TMEM178B: variants seen among roughly 807,000 people sequenced by gnomAD.
TMEM178B encodes the protein transmembrane protein 178B.
TMEM178B carries 5 observed loss-of-function variants against 31.0 expected under a neutral mutation model. The ratio of observed to expected loss-of-function variants is 0.16; its 90% CI spans 0.08 to 0.34. The LOEUF (loss-of-function observed/expected upper bound fraction) is 0.34, where lower values mean the gene tolerates loss of function less well. Among genes scored for constraint, TMEM178B ranks in the 10% least tolerant of loss-of-function variants. The probability of loss-of-function intolerance (pLI) is 1.00; values close to 1 mark genes in which losing one functional copy is unlikely to be tolerated. For synonymous variants in TMEM178B, 164 were observed against 164.0 expected, an observed-to-expected ratio of 1.00 and a Z score of 0.00; for missense variants, 275 against 400.3, an observed-to-expected ratio of 0.69 and a Z score of 2.67.
intron 1 of TMEM178B, among the ~76,000 whole-genome samples, chr7:141,180,766 C>A (rs1324984078): frequency 1.3e-5 from 2 of 152,182 alleles, no homozygotes; most frequent in Non-Finnish European, 2.9e-5. Context: ...TTATCTATTA[C>A]TTGTGGTTTG....
At chr7:141,387,252 T>C (rs940209739) in intron 2 of TMEM178B, among the ~76,000 whole-genome samples, 2 of 152,240 alleles carry the variant, frequency 1.3e-5, no homozygotes, top group African/African-American at 4.8e-5. Flanking sequence ...TTATTGAGCA[T>C]GTACTATGTG....
At position 141,470,738 on chromosome 7, in the gene TMEM178B, G is replaced by A. The variant is rs761883291; in HGVS notation, c.837G>A (p.Pro279=). The change falls in exon 4 of 4, where the codon CCG becomes CCA. Residue 279 remains proline, a synonymous_variant. Transcript: ENST00000565468. ...CTLAPSVQPV[P]RTNYPKSRPE... ...TAGCCCCTTCTGTTCAACCTGTCCC[G>A]AGGACCAACTACCCTAAATCCAGAC... is the stretch of plus-strand genomic sequence containing the variant. 22 of 1,532,390 alleles carry A rather than the reference G, an allele frequency of 1.4e-5. No individual in the cohort carries two copies. Among genetic ancestry groups the A allele is most frequent in the Admixed American group, 4.0e-5 (2 of 50,470 alleles). 94.9% of individuals were successfully genotyped at this position (1,532,390 alleles called of 1,614,324 possible).
chr7:141,405,498 C>G (rs1378643918), intron 2 of TMEM178B, among the ~76,000 whole-genome samples: 1 of 152,236 alleles, frequency 6.6e-6, no homozygotes, highest in Non-Finnish European at 1.5e-5. Flanking sequence ...AAACACACTC[C>G]CAGCTATCTC....
At chr7:141,386,578 TC>T (rs1800434591) in intron 2 of TMEM178B, among the ~76,000 whole-genome samples, 1 of 152,188 alleles carries the variant, frequency 6.6e-6, no homozygotes, top group South Asian at 2.1e-4. Context: ...ATTTAGTGTA[TC>T]CATTACCTCA....
At chr7:141,325,833 AG>A (rs1799180394) in intron 2 of TMEM178B, among the ~76,000 whole-genome samples, 1 of 150,688 alleles carries the variant, frequency 6.6e-6, no homozygotes, top group Non-Finnish European at 1.5e-5. Flanking sequence ...GAAAAAAAAA[AG>A]TCTGATTCTC....
chr7:141,095,306 A>G (rs1794939484), intron 1 of TMEM178B, among the ~76,000 whole-genome samples: 1 of 152,232 alleles, frequency 6.6e-6, no homozygotes, highest in Admixed American at 6.5e-5. Context: ...TTTGGAAACC[A>G]TGTGAGAAAT....
At chr7:141,152,075 G>T (rs1329564524) in intron 1 of TMEM178B, among the ~76,000 whole-genome samples, 1 of 152,180 alleles carries the variant, frequency 6.6e-6, no homozygotes, top group Non-Finnish European at 1.5e-5. Context: ...ATGCTGAGAG[G>T]CATGGCACTG....
chr7:141,292,441 G>C lies in TMEM178B; in HGVS notation c.496+79737G>C, dbSNP rs560926659. 8.5e-5 allele frequency among the ~76,000 whole-genome samples: 13 copies of C among 152,120 alleles called. No homozygotes were observed. In the East Asian group the frequency reaches 2.5e-3, roughly 29 times the overall value. Reference sequence around the variant, plus strand: ...TTCCTCAAGCACCTTTCATCTTTGGGACAGAGGAATGAGCTTGCCCTTGCA... The same window carrying C: ...TTCCTCAAGCACCTTTCATCTTTGGCACAGAGGAATGAGCTTGCCCTTGCA... On this transcript the variant is annotated intron_variant, in intron 2 of 3. Transcript: ENST00000565468.
At chr7:141,137,824 C>T (rs10952458) in intron 1 of TMEM178B, among the ~76,000 whole-genome samples, 124,358 of 152,092 alleles carry the variant, frequency 0.82, 50,960 homozygotes, top group African/African-American at 0.86. Flanking sequence ...TGAAAACAAT[C>T]GTTTGAAGGA....
chr7:141,241,042 C>CA (rs1797609789), intron 2 of TMEM178B, among the ~76,000 whole-genome samples: 30 of 148,026 alleles, frequency 2.0e-4, no homozygotes, highest in Admixed American at 8.8e-4. Flanking sequence ...GGGGTACAAG[C>CA]GTTTTTTTTT....
At chr7:141,195,357 C>T (rs1298651365) in intron 1 of TMEM178B, among the ~76,000 whole-genome samples, 2 of 152,176 alleles carry the variant, frequency 1.3e-5, no homozygotes, top group Non-Finnish European at 2.9e-5. Flanking sequence ...CCACCAGATA[C>T]CCTAAGTTAT....
intron 1 of TMEM178B, among the ~76,000 whole-genome samples, chr7:141,092,019 C>T (rs1029165214): frequency 4.6e-5 from 7 of 152,304 alleles, no homozygotes; most frequent in South Asian, 2.1e-4. Context: ...TGAGCTACCA[C>T]ACCCCACCTA....
At position 141,074,649 on chromosome 7, in the gene TMEM178B, C is replaced by T. The variant is rs1313523452; in HGVS notation, c.339C>T (p.His113=). Reference sequence around the variant, plus strand: ...ACATGGGCCTCTGGAGGAAGTGCCACCGGCAGGGCTTCGACCCCGAGATCG... The same window carrying T: ...ACATGGGCCTCTGGAGGAAGTGCCATCGGCAGGGCTTCGACCCCGAGATCG... ...STNMGLWRKC[H]RQGFDPEIAA... Residue 113 remains histidine (H), a synonymous_variant, in exon 1 of 4, where the codon CAC becomes CAT. Transcript: ENST00000565468. The surrounding 1 kb of genome is among the most constrained non-coding windows in gnomAD (Gnocchi z 5.1). The T allele has an allele frequency of 6.6e-6, 10 of 1,523,778 alleles. No individual in the cohort carries two copies. Among genetic ancestry groups the T allele is most frequent in the African/African-American group, 1.4e-5 (1 of 72,792 alleles). 94.4% of individuals were successfully genotyped at this position (1,523,778 alleles called of 1,614,324 possible).
chr7:141,201,226 T>A (rs1051069227), intron 1 of TMEM178B, among the ~76,000 whole-genome samples: 1 of 152,190 alleles, frequency 6.6e-6, no homozygotes, highest in Non-Finnish European at 1.5e-5. Flanking sequence ...CCAGGCCACA[T>A]GGCCAGAGCT....
chr7:141,274,840 A>G (rs1798240343), intron 2 of TMEM178B, among the ~76,000 whole-genome samples: 1 of 152,208 alleles, frequency 6.6e-6, no homozygotes. Context: ...AGCAGGGACC[A>G]AGGAGGCAGC....
chr7:141,121,117 G>T (rs1486224023), intron 1 of TMEM178B, among the ~76,000 whole-genome samples: 1 of 151,536 alleles, frequency 6.6e-6, no homozygotes, highest in Non-Finnish European at 1.5e-5. Flanking sequence ...TAATATTACT[G>T]TATCACTATT....
intron 1 of TMEM178B, among the ~76,000 whole-genome samples, chr7:141,091,762 C>G (rs1332524016): frequency 6.6e-6 from 1 of 152,220 alleles, no homozygotes; most frequent in Non-Finnish European, 1.5e-5. Context: ...GAGTCTTGCT[C>G]TGTCTCCCAG....
At chr7:141,317,552 TAGG>T (rs1275525025) in intron 2 of TMEM178B, among the ~76,000 whole-genome samples, 1 of 152,074 alleles carries the variant, frequency 6.6e-6, no homozygotes, top group Non-Finnish European at 1.5e-5. Context: ...CAGGAGACAC[TAGG>T]AGGACTTTTA....
intron 2 of TMEM178B, among the ~76,000 whole-genome samples, chr7:141,295,886 C>T (rs1798623847): frequency 6.6e-6 from 1 of 152,156 alleles, no homozygotes; most frequent in African/African-American, 2.4e-5. Flanking sequence ...AGCCACAGCC[C>T]TGTTCCCATT....
Sources: gnomAD v4.1 joint callset for allele counts (sites outside exome capture counted in the v4.1 genomes callset) on GRCh38, gnomAD v4.1.1 for gene constraint, Gnocchi (gnomAD v3.1) non-coding constraint, MANE v1.5 for transcripts, NCBI Gene and HGNC (gene_info 2026-07-23, HGNC 2026-07-21) for gene names.